SPAG16: variants seen among roughly 807,000 people sequenced by gnomAD.
SPAG16 encodes sperm associated antigen 16, also known as sperm-associated antigen 16 protein.
SPAG16 carries 86 observed loss-of-function variants against 80.4 expected under a neutral mutation model. That is an observed-to-expected ratio of 1.07 (90% confidence interval 0.90 to 1.28). The LOEUF (loss-of-function observed/expected upper bound fraction) is 1.28, where lower values mean the gene tolerates loss of function less well. SPAG16 is among the 50% of genes most tolerant of loss of function. SPAG16 has a pLI of 0.00. For missense variants in SPAG16, 870 were observed against 765.3 expected (o/e 1.14, Z -1.61); for synonymous variants, 294 against 265.9 (o/e 1.11, Z -1.03).
chr2:213,317,630 T>G, intron 5 of SPAG16: 2 of 1,060,060 alleles, frequency 1.9e-6, no homozygotes, highest in Non-Finnish European at 2.3e-6. Context: ...TATTTGATAG[T>G]CTTTTCATGG....
chr2:213,664,514 G>A (rs1351200901), intron 10 of SPAG16, among the ~76,000 whole-genome samples: 2 of 152,100 alleles, frequency 1.3e-5, no homozygotes, highest in Non-Finnish European at 2.9e-5. Flanking sequence ...TACACGGCTA[G>A]AGTGATAAGA....
chr2:213,577,484 G>A lies in SPAG16; in HGVS notation c.1070+87394G>A, dbSNP rs111720424. Among the ~76,000 whole-genome samples the A allele has an allele frequency of 1.6e-3, 244 of 152,042 alleles. 3 individuals carry two copies. The highest frequency in any genetic ancestry group is 4.7e-3 in the African/African-American group (196 of 41,494). On this transcript the variant is annotated intron_variant, in intron 10 of 15. Transcript: ENST00000331683. ...CCCGTTTCCTAATCCTCTTCCCTCC[G>A]TTTCCTGATAAGCCCATCTCAACTG...
rs1214236511 is a variant in SPAG16, at chr2:213,350,562, A to G, written c.679A>G (p.Ile227Val). The change falls in exon 7 of 16, where the codon ATA becomes GTA. Residue 227 changes from isoleucine to valine, a missense_variant. Physicochemically the swap from Ile to Val is conservative, Grantham distance 29. Coordinates refer to ENST00000331683, the MANE Select transcript of SPAG16 (RefSeq NM_024532.5). ...KLHYASYEPT[I>V]RVLHEKHHTL... ...ACATTATGCATCTTATGAACCGACT[A>G]TAAGGGTGTTACATGAGAAACACCA... 11 of 1,596,316 alleles carry G rather than the reference A, an allele frequency of 6.9e-6. No homozygotes were observed. Among genetic ancestry groups the G allele is most frequent in the East Asian group, 4.5e-5 (2 of 44,318 alleles).
At chr2:213,990,348 T>A (rs2046216928) in intron 12 of SPAG16, among the ~76,000 whole-genome samples, 1 of 152,108 alleles carries the variant, frequency 6.6e-6, no homozygotes, top group African/African-American at 2.4e-5. Context: ...TACACGTGAT[T>A]CTTAAACAAT....
intron 10 of SPAG16, among the ~76,000 whole-genome samples, chr2:213,491,277 G>A (rs2074223428): frequency 6.6e-6 from 1 of 152,086 alleles, no homozygotes. Context: ...TATGTCTATC[G>A]TTTGGAATTC....
At chr2:214,403,040 C>T (rs1283382259) in intron 15 of SPAG16, among the ~76,000 whole-genome samples, 3 of 121,768 alleles carry the variant, frequency 2.5e-5, no homozygotes, top group Non-Finnish European at 5.2e-5. Flanking sequence ...GACATGGAGC[C>T]AATCCAAAAA....
intron 9 of SPAG16, among the ~76,000 whole-genome samples, chr2:213,472,724 C>G (rs1224535882): frequency 6.6e-6 from 1 of 151,982 alleles, no homozygotes; most frequent in Non-Finnish European, 1.5e-5. Context: ...CAATTCAGAC[C>G]TGAGCTAAAA....
At chr2:214,019,554 G>A (rs1277189045) in intron 13 of SPAG16, among the ~76,000 whole-genome samples, 1 of 152,120 alleles carries the variant, frequency 6.6e-6, no homozygotes, top group Non-Finnish European at 1.5e-5. Flanking sequence ...TTGTCACTGC[G>A]AGTTTCTATA....
chr2:213,635,000 A>G (rs190156854), intron 10 of SPAG16, among the ~76,000 whole-genome samples: 32 of 149,502 alleles, frequency 2.1e-4, no homozygotes, highest in Non-Finnish European at 4.3e-4. Context: ...CCTCTTGTTG[A>G]TTTATGTGCA....
intron 10 of SPAG16, among the ~76,000 whole-genome samples, chr2:213,841,154 T>A (rs1480128438): frequency 6.6e-6 from 1 of 151,978 alleles, no homozygotes; most frequent in Non-Finnish European, 1.5e-5. Context: ...CTTAAAAAAA[T>A]GAGAGGGGGA....
At chr2:213,960,629 A>T (rs925669433) in intron 12 of SPAG16, among the ~76,000 whole-genome samples, 1 of 152,162 alleles carries the variant, frequency 6.6e-6, no homozygotes. Context: ...TGTAAATTTA[A>T]GGTCTCTTCT....
chr2:213,753,053 C>A (rs1196574436), intron 10 of SPAG16, among the ~76,000 whole-genome samples: 1 of 152,120 alleles, frequency 6.6e-6, no homozygotes, highest in East Asian at 1.9e-4. Context: ...CGCTCTGTCA[C>A]CCAGGCTGGA....
intron 10 of SPAG16, among the ~76,000 whole-genome samples, chr2:213,720,248 A>G (rs563769733): frequency 6.6e-6 from 1 of 152,192 alleles, no homozygotes; most frequent in Non-Finnish European, 1.5e-5. Context: ...TGAGGGGTTG[A>G]TGGGTGCAGC....
At chr2:214,337,054 C>T (rs1380560872) in intron 15 of SPAG16, among the ~76,000 whole-genome samples, 3 of 150,308 alleles carry the variant, frequency 2.0e-5, no homozygotes, top group Admixed American at 1.3e-4. Flanking sequence ...GACGCCAGTC[C>T]CCCATTTCTG....
At chr2:214,282,426 C>T (rs954282527) in intron 15 of SPAG16, among the ~76,000 whole-genome samples, 2 of 151,972 alleles carry the variant, frequency 1.3e-5, no homozygotes, top group South Asian at 2.1e-4. Context: ...TCAGTATTTC[C>T]TAAGATTAAT....
chr2:213,786,825 A>T (rs909394126), intron 10 of SPAG16, among the ~76,000 whole-genome samples: 3 of 152,158 alleles, frequency 2.0e-5, no homozygotes, highest in Non-Finnish European at 4.4e-5. Flanking sequence ...ATTGTGCCTT[A>T]ATTTAATAGT....
chr2:213,410,579 G>A (rs989705432), intron 9 of SPAG16, among the ~76,000 whole-genome samples: 2 of 152,158 alleles, frequency 1.3e-5, no homozygotes, highest in African/African-American at 4.8e-5. Flanking sequence ...ACTGGTTTTT[G>A]TAATTTCCTA....
intron 15 of SPAG16, among the ~76,000 whole-genome samples, chr2:214,271,790 A>G (rs1412532914): frequency 6.6e-6 from 1 of 152,010 alleles, no homozygotes. Context: ...GCAAGAGTGA[A>G]ACTATGTCTC....
intron 5 of SPAG16, among the ~76,000 whole-genome samples, chr2:213,318,537 A>G (rs975071681): frequency 5.3e-5 from 8 of 151,994 alleles, no homozygotes; most frequent in Non-Finnish European, 8.8e-5. Flanking sequence ...TATGGGTAAA[A>G]TGTCCACTAC....
Sources: allele counts gnomAD v4.1 joint callset (sites outside exome capture counted in the v4.1 genomes callset), GRCh38; gene constraint gnomAD v4.1.1; transcripts MANE v1.5; gene names NCBI Gene and HGNC (gene_info 2026-07-23, HGNC 2026-07-21).